Variants in ENAH observed in about 807,000 individuals in gnomAD.
ENAH encodes ENAH actin regulator.
ENAH carries 23 observed loss-of-function variants against 78.7 expected under a neutral mutation model. The observed-to-expected ratio is 0.29, with a 90% CI of 0.21 to 0.41. The LOEUF is 0.41. ENAH is among the 10% of genes least tolerant of loss of function. ENAH has a pLI of 1.00. For synonymous variants in ENAH, 226 were observed against 241.0 expected (o/e 0.94, Z 0.58); for missense variants, 544 against 691.0 (o/e 0.79, Z 2.39).
At chr1:225,513,528 G>C (rs1263137124) in intron 7 of ENAH, among the ~76,000 whole-genome samples, 1 of 152,138 alleles carries the variant, frequency 6.6e-6, no homozygotes, top group East Asian at 1.9e-4. Flanking sequence ...GATGAAATTT[G>C]AATAATACAT....
At chr1:225,571,321 C>T (rs1575571033) in intron 1 of ENAH, among the ~76,000 whole-genome samples, 2 of 151,428 alleles carry the variant, frequency 1.3e-5, no homozygotes, top group South Asian at 2.1e-4. Context: ...TGCAGTGAGC[C>T]GAGATCATGC....
intron 1 of ENAH, among the ~76,000 whole-genome samples, chr1:225,619,441 G>A (rs972453014): frequency 6.6e-6 from 1 of 152,180 alleles, no homozygotes; most frequent in Non-Finnish European, 1.5e-5. Flanking sequence ...CTACTCGGGA[G>A]GCTGAGGCAG....
intron 13 of ENAH, among the ~76,000 whole-genome samples, 177 bp from the exon 14 acceptor site, chr1:225,497,989 T>C (rs1274027520): frequency 6.6e-6 from 1 of 152,180 alleles, no homozygotes; most frequent in East Asian, 1.9e-4. Flanking sequence ...AATTTCTATA[T>C]ATTTATTTTC....
At chr1:225,647,474 G>A (rs2148496271) in intron 1 of ENAH, among the ~76,000 whole-genome samples, 1 of 152,234 alleles carries the variant, frequency 6.6e-6, no homozygotes, top group African/African-American at 2.4e-5. Flanking sequence ...TCCAAGCTCT[G>A]TGTTAGAATA....
intron 1 of ENAH, among the ~76,000 whole-genome samples, chr1:225,639,743 C>A (rs1053798583): frequency 3.0e-5 from 4 of 132,192 alleles, no homozygotes; most frequent in Admixed American, 6.9e-5. Flanking sequence ...CACACACACA[C>A]AAGAAGGATG....
chr1:225,554,833 T>C, intron 3 of ENAH, 73 bp downstream of exon 3: 1 of 1,301,638 alleles, frequency 7.7e-7, no homozygotes, highest in Non-Finnish European at 1.0e-6. Flanking sequence ...AGTTCAAGAA[T>C]ACAAGTAAAT....
At chr1:225,565,954 T>C (rs1219338430) in intron 2 of ENAH, among the ~76,000 whole-genome samples, 1 of 152,198 alleles carries the variant, frequency 6.6e-6, no homozygotes, top group Non-Finnish European at 1.5e-5. Flanking sequence ...TATAAATGGA[T>C]AAATCTGGTA....
intron 1 of ENAH, among the ~76,000 whole-genome samples, chr1:225,570,723 C>T (rs142738161): frequency 7.4e-4 from 112 of 151,816 alleles, no homozygotes; most frequent in African/African-American, 2.7e-3. Context: ...TTTGGGAGGC[C>T]GAGGCGGGCA....
intron 4 of ENAH, among the ~76,000 whole-genome samples, chr1:225,520,320 T>C (rs1328269964): frequency 6.8e-6 from 1 of 148,144 alleles, no homozygotes; most frequent in Non-Finnish European, 1.5e-5. Flanking sequence ...GTTTACTGAA[T>C]GAAAAAGAGT....
At chr1:225,575,169 T>G (rs1458254759) in intron 1 of ENAH, among the ~76,000 whole-genome samples, 1 of 152,136 alleles carries the variant, frequency 6.6e-6, no homozygotes, top group African/African-American at 2.4e-5. Flanking sequence ...GCCCTGTCAA[T>G]TCTATTTCCA....
At chr1:225,617,811 C>T (rs1575743608) in intron 1 of ENAH, among the ~76,000 whole-genome samples, 4 of 152,148 alleles carry the variant, frequency 2.6e-5, no homozygotes, top group Admixed American at 2.0e-4. Flanking sequence ...TCTAAACCAT[C>T]AGAAAGCACC....
intron 4 of ENAH, among the ~76,000 whole-genome samples, chr1:225,529,009 T>C (rs1350556096): frequency 6.6e-6 from 1 of 152,154 alleles, no homozygotes; most frequent in African/African-American, 2.4e-5. Context: ...CATTATCTCC[T>C]GCCTAGTTCA....
rs1575355696 is a variant in ENAH at position 225,514,240 on chromosome 1, C to A, written c.1218+356G>T. 2.6e-5 allele frequency among the ~76,000 whole-genome samples: 4 copies of A among 152,176 alleles called. No homozygotes were observed. The South Asian group carries it at 8.3e-4, about 32-fold the overall frequency. Reference sequence around the variant, plus strand: ...AGAGCGCAGTGGCATGATCTCGGCTCACTGCAACCTCCACCTCCCGGGTTC... The same window carrying A: ...AGAGCGCAGTGGCATGATCTCGGCTAACTGCAACCTCCACCTCCCGGGTTC... On this transcript the variant is annotated intron_variant, in intron 7 of 13. Transcript: ENST00000366843.
chr1:225,528,387 G>A lies in ENAH; in HGVS notation c.434+2167C>T, dbSNP rs1219370652. 2.0e-5 allele frequency among the ~76,000 whole-genome samples: 3 copies of A among 152,128 alleles called. No homozygotes were observed. The East Asian group carries it at 5.8e-4, about 29-fold the overall frequency. ...AAACACAGAGCGAAAGATGAGTATGGTGTACACAGAGACAGTCATGAGGGG... is the reference window on the plus strand; with the variant it reads ...AAACACAGAGCGAAAGATGAGTATGATGTACACAGAGACAGTCATGAGGGG... On this transcript the variant is annotated intron_variant, in intron 4 of 13. Coordinates refer to ENST00000366843, the MANE Select transcript of ENAH (RefSeq NM_018212.6).
At chr1:225,623,233 C>T (rs939834256) in intron 1 of ENAH, among the ~76,000 whole-genome samples, 2 of 152,062 alleles carry the variant, frequency 1.3e-5, no homozygotes, top group African/African-American at 2.4e-5. Context: ...TAAATTCATT[C>T]CCTTGTTTTT....
At chr1:225,580,895 T>C (rs2096813299) in intron 1 of ENAH, among the ~76,000 whole-genome samples, 1 of 135,264 alleles carries the variant, frequency 7.4e-6, no homozygotes. Flanking sequence ...GGCGAGACTC[T>C]GTCTCAAGAA....
At position 225,490,289 on chromosome 1, in the gene ENAH, T is replaced by TA. The variant is rs2096216465; in HGVS notation, c.*7485dup. Reference sequence around the variant, plus strand: ...TTTTCTTTCAGAAACAAGGACATTTTATGTGAGGATCAAATATTCTCCCTT... The same window carrying TA: ...TTTTCTTTCAGAAACAAGGACATTTTAATGTGAGGATCAAATATTCTCCCTT... On this transcript the variant is annotated 3_prime_UTR_variant, in exon 14 of 14. Coordinates refer to ENST00000366843, the MANE Select transcript of ENAH (RefSeq NM_018212.6). 1 of 152,224 alleles carries TA rather than the reference T, an allele frequency of 6.6e-6. No individual in the cohort carries two copies. Among genetic ancestry groups the TA allele is most frequent in the South Asian group, 2.1e-4 (1 of 4,828 alleles). 9.4% of individuals were successfully genotyped at this position (152,224 alleles called of 1,614,324 possible). A position where few individuals can be genotyped will look rare whatever the true frequency, so the allele number is the denominator to read the frequency against.
At chr1:225,621,581 C>T (rs1016146150) in intron 1 of ENAH, among the ~76,000 whole-genome samples, 3 of 151,860 alleles carry the variant, frequency 2.0e-5, no homozygotes, top group African/African-American at 4.9e-5. Context: ...CGTGAGCCAC[C>T]GCGCCCGGCC....
chr1:225,625,689 G>T (rs577334128), intron 1 of ENAH, among the ~76,000 whole-genome samples: 1 of 152,208 alleles, frequency 6.6e-6, no homozygotes, highest in South Asian at 2.1e-4. Context: ...CTAATTGTTT[G>T]TATTTTTAGA....
Sources: gnomAD v4.1 joint callset for allele counts (sites outside exome capture counted in the v4.1 genomes callset) on GRCh38, gnomAD v4.1.1 for gene constraint, MANE v1.5 for transcripts, NCBI Gene and HGNC (gene_info 2026-07-23, HGNC 2026-07-21) for gene names.